Variants in CRTAC1 observed in about 807,000 individuals in gnomAD.
CRTAC1 encodes acidic secreted protein in cartilage.
A neutral mutation model predicts 67.8 loss-of-function variants in CRTAC1; 37 were observed. The ratio of observed to expected loss-of-function variants is 0.55; its 90% confidence interval spans 0.42 to 0.72. The LOEUF (loss-of-function observed/expected upper bound fraction) is 0.72. CRTAC1 is among the 30% of genes least tolerant of loss of function. CRTAC1 has a pLI of 0.00. For missense variants in CRTAC1, 780 were observed against 931.6 expected (o/e 0.84, Z 2.12); for synonymous variants, 348 against 371.0 (o/e 0.94, Z 0.71).
At chr10:97,980,035 A>G (rs1436218143) in intron 2 of CRTAC1, among the ~76,000 whole-genome samples, 1 of 152,192 alleles carries the variant, frequency 6.6e-6, no homozygotes, top group South Asian at 2.1e-4. Flanking sequence ...CACTGGTCCA[A>G]TGGCCTGTGT....
intron 3 of CRTAC1, among the ~76,000 whole-genome samples, chr10:97,926,098 C>G (rs542395462): frequency 6.6e-6 from 1 of 152,158 alleles, no homozygotes; most frequent in African/African-American, 2.4e-5. Flanking sequence ...AAGTCCCTTC[C>G]GCTGAGTGGA....
At position 97,990,505 on chromosome 10, in the gene CRTAC1, G is replaced by C. The variant is rs147256675; in HGVS notation, c.224+20633C>G. 4.3e-4 allele frequency among the ~76,000 whole-genome samples: 66 copies of C among 152,272 alleles called. 1 individual carries two copies. Among genetic ancestry groups the C allele is most frequent in the African/African-American group, 1.5e-3 (64 of 41,580 alleles). ...TCCTTCTCCTTTCCAACCCCATTTT[G>C]TTTTATCATTCCATTTCCTATTAGC... On this transcript the variant is annotated intron_variant, in intron 2 of 14. Coordinates refer to ENST00000370597, the MANE Select transcript of CRTAC1 (RefSeq NM_018058.7).
At chr10:97,878,438 A>G in intron 14 of CRTAC1, 1 of 327,676 alleles carries the variant, frequency 3.1e-6, no homozygotes, top group Non-Finnish European at 5.0e-6. Flanking sequence ...TGATATCAGA[A>G]AATGGCAGGG....
At chr10:97,961,136 T>A (rs2051518889) in intron 2 of CRTAC1, among the ~76,000 whole-genome samples, 2 of 152,226 alleles carry the variant, frequency 1.3e-5, no homozygotes, top group Admixed American at 1.3e-4. Flanking sequence ...TGGCCACGTG[T>A]GAGCCTCACC....
chr10:97,923,513 G>A (rs2289554), intron 3 of CRTAC1, 113 bp from the exon 4 acceptor site: 85,046 of 1,335,980 alleles, frequency 0.064, 3,971 homozygotes, highest in African/African-American at 0.23. Flanking sequence ...AGAGGAGGTT[G>A]GGTCATCTGC....
intron 1 of CRTAC1, among the ~76,000 whole-genome samples, chr10:98,024,468 G>A (rs1376056175): frequency 6.6e-6 from 1 of 152,166 alleles, no homozygotes; most frequent in Non-Finnish European, 1.5e-5. Context: ...AAAGGATGGA[G>A]GAGAAGTCGC....
intron 2 of CRTAC1, among the ~76,000 whole-genome samples, chr10:97,959,491 G>A (rs2051490540): frequency 6.6e-6 from 1 of 152,222 alleles, no homozygotes; most frequent in African/African-American, 2.4e-5. Context: ...CTCATTCCAT[G>A]GAACATGGGC....
intron 2 of CRTAC1, among the ~76,000 whole-genome samples, chr10:97,987,467 T>G (rs796452912): frequency 5.3e-5 from 8 of 152,310 alleles, no homozygotes; most frequent in African/African-American, 1.9e-4. Context: ...AATTGAGGGT[T>G]AGAAGGAAAG....
chr10:97,964,369 TTG>T (rs1316744538), intron 2 of CRTAC1, among the ~76,000 whole-genome samples: 1 of 152,352 alleles, frequency 6.6e-6, no homozygotes, highest in East Asian at 1.9e-4. Flanking sequence ...CAGTGTGAGT[TTG>T]TCTTATTCAC....
chr10:97,875,451 G>A (rs979000747), intron 14 of CRTAC1, among the ~76,000 whole-genome samples: 1 of 152,200 alleles, frequency 6.6e-6, no homozygotes, highest in African/African-American at 2.4e-5. Flanking sequence ...TAGAGGACAA[G>A]CCACCGTGGG....
At chr10:97,923,952 TG>T (rs2050877476) in intron 3 of CRTAC1, among the ~76,000 whole-genome samples, 1 of 151,418 alleles carries the variant, frequency 6.6e-6, no homozygotes, top group African/African-American at 2.4e-5. Flanking sequence ...CTGCCTGGGG[TG>T]TGATGAGTTT....
At chr10:97,875,202 CTT>C (rs1341254106) in intron 14 of CRTAC1, among the ~76,000 whole-genome samples, 1 of 152,164 alleles carries the variant, frequency 6.6e-6, no homozygotes, top group Non-Finnish European at 1.5e-5. Context: ...AGCTATGTGA[CTT>C]TGTGTAATTT....
intron 6 of CRTAC1, among the ~76,000 whole-genome samples, chr10:97,906,875 C>T (rs753199563): frequency 6.6e-6 from 1 of 152,160 alleles, no homozygotes; most frequent in East Asian, 1.9e-4. Flanking sequence ...GACTGGCACA[C>T]GTGCAGGGAT....
chr10:97,936,717 CA>C (rs1395968599), intron 2 of CRTAC1, among the ~76,000 whole-genome samples: 1 of 152,248 alleles, frequency 6.6e-6, no homozygotes, highest in Admixed American at 6.5e-5. Flanking sequence ...CATTTCAATG[CA>C]AAAGGCACTT....
intron 2 of CRTAC1, among the ~76,000 whole-genome samples, chr10:97,949,825 C>T (rs2051322978): frequency 6.6e-6 from 1 of 152,236 alleles, no homozygotes; most frequent in African/African-American, 2.4e-5. Flanking sequence ...GATCAGCTTC[C>T]AGGCCATAGG....
chr10:97,877,756 C>A (rs1245448611), intron 14 of CRTAC1, among the ~76,000 whole-genome samples: 1 of 152,204 alleles, frequency 6.6e-6, no homozygotes, highest in Non-Finnish European at 1.5e-5. Context: ...CCCACTCACC[C>A]AACAGGATCA....
In CRTAC1 at chr10:97,981,616, C is replaced by A. The variant is rs1352492778; in HGVS notation, c.224+29522G>T. On this transcript the variant is annotated intron_variant, in intron 2 of 14. Coordinates refer to ENST00000370597, the MANE Select transcript of CRTAC1 (RefSeq NM_018058.7). The stretch of plus-strand genomic sequence containing the variant: ...AATAGCCTTGCACATAATTTTCTGA[C>A]CTTATATTTCTGATTATTTTGCTAG... 3.9e-5 allele frequency among the ~76,000 whole-genome samples: 6 copies of A among 152,058 alleles called. No homozygotes were observed. In the South Asian group the frequency reaches 1.2e-3, roughly 32 times the overall value.
chr10:98,008,790 G>C (rs995036441), intron 2 of CRTAC1, among the ~76,000 whole-genome samples: 17 of 152,268 alleles, frequency 1.1e-4, no homozygotes, highest in African/African-American at 4.1e-4. Flanking sequence ...GTAGCAACTT[G>C]GGGGGCGAGG....
chr10:97,993,301 C>T (rs971665235), intron 2 of CRTAC1, among the ~76,000 whole-genome samples: 7 of 152,194 alleles, frequency 4.6e-5, no homozygotes, highest in Non-Finnish European at 1.0e-4. Context: ...AGTTTTTCAT[C>T]ATAGAAAAGT....
Sources: allele counts gnomAD v4.1 joint callset (sites outside exome capture counted in the v4.1 genomes callset), GRCh38; gene constraint gnomAD v4.1.1; transcripts MANE v1.5; gene names NCBI Gene and HGNC (gene_info 2026-07-23, HGNC 2026-07-21).